Variants in KAZN observed in about 807,000 individuals in gnomAD.
KAZN encodes the protein kazrin, periplakin interacting protein, also known as kazrin.
A neutral mutation model predicts 87.4 loss-of-function variants in KAZN; 40 were observed. That is an observed-to-expected ratio of 0.46 (90% CI 0.36 to 0.60). The LOEUF is 0.60. Among genes scored for constraint, KAZN ranks in the 20% least tolerant of loss-of-function variants. The pLI is 0.00. For synonymous variants in KAZN, 466 were observed against 458.3 expected (o/e 1.02, Z -0.22); for missense variants, 898 against 1,073.9 (o/e 0.84, Z 2.29).
intron 3 of KAZN, among the ~76,000 whole-genome samples, chr1:15,036,707 C>T (rs1362769802): frequency 1.3e-5 from 2 of 152,130 alleles, no homozygotes; most frequent in African/African-American, 4.8e-5. Flanking sequence ...GACCTCCATG[C>T]AGAGGGAGGG....
intron 1 of KAZN, among the ~76,000 whole-genome samples, chr1:14,178,665 G>T (rs980441092): frequency 6.6e-6 from 1 of 152,056 alleles, no homozygotes; most frequent in African/African-American, 2.4e-5. Context: ...TTATTTCTGG[G>T]TTTGTTTCTG....
intron 1 of KAZN, among the ~76,000 whole-genome samples, chr1:14,179,934 G>C (rs1235206875): frequency 6.6e-6 from 1 of 152,172 alleles, no homozygotes; most frequent in Non-Finnish European, 1.5e-5. Context: ...CCCACATGTG[G>C]CACTGATTGG....
rs1658800915 is a variant in KAZN, at chr1:14,923,644, C to A, written c.227-37040C>A. 6.6e-6 allele frequency among the ~76,000 whole-genome samples: 1 copy of A among 152,210 alleles called. No homozygotes were observed. The highest frequency in any genetic ancestry group is 6.5e-5 in the Admixed American group (1 of 15,284). On this transcript the variant is annotated intron_variant, in intron 1 of 14. Transcript: ENST00000376030. This position sits in a 1 kb window ranked among gnomAD's most constrained non-coding sequence, Gnocchi z 4.2. Reference sequence around the variant, plus strand: ...AGATCTCAGCCCCCTCGCGATCTCCCCCACCAGACGGTGGGTGCACTCAGC... The same window carrying A: ...AGATCTCAGCCCCCTCGCGATCTCCACCACCAGACGGTGGGTGCACTCAGC...
intron 1 of KAZN, among the ~76,000 whole-genome samples, chr1:14,162,961 G>A (rs1645742969): frequency 6.6e-6 from 1 of 151,892 alleles, no homozygotes; most frequent in African/African-American, 2.4e-5. Flanking sequence ...TCTAAAACCA[G>A]TAAATCTTGG....
At chr1:15,068,817 G>A (rs369337369) in intron 8 of KAZN, among the ~76,000 whole-genome samples, 21 of 152,034 alleles carry the variant, frequency 1.4e-4, no homozygotes, top group Middle Eastern at 3.4e-3. Context: ...AATTTTCCCC[G>A]GCAATAAGAC....
chr1:14,440,912 G>A (rs1666662355), intron 2 of KAZN, among the ~76,000 whole-genome samples: 1 of 152,186 alleles, frequency 6.6e-6, no homozygotes, highest in Non-Finnish European at 1.5e-5. Flanking sequence ...CAGGTTCTGA[G>A]GGCTGGCAGC....
chr1:14,113,841 G>C (rs1189151734), intron 1 of KAZN, among the ~76,000 whole-genome samples: 1 of 152,228 alleles, frequency 6.6e-6, no homozygotes, highest in Admixed American at 6.5e-5. Context: ...GCTTTGCATG[G>C]TGGAAACTCT....
At chr1:14,060,293 G>C (rs1455740935) in intron 1 of KAZN, among the ~76,000 whole-genome samples, 1 of 151,462 alleles carries the variant, frequency 6.6e-6, no homozygotes, top group Non-Finnish European at 1.5e-5. Flanking sequence ...AAACCGGGAG[G>C]CGGAGCTTAC....
intron 2 of KAZN, among the ~76,000 whole-genome samples, chr1:14,443,365 C>T (rs1278570232): frequency 6.6e-6 from 1 of 152,172 alleles, no homozygotes; most frequent in African/African-American, 2.4e-5. Flanking sequence ...AGCAGTCTAC[C>T]TCTGTGGGCC....
intron 1 of KAZN, among the ~76,000 whole-genome samples, chr1:13,921,323 C>T (rs1244404799): frequency 5.3e-5 from 8 of 152,166 alleles, no homozygotes; most frequent in Non-Finnish European, 1.0e-4. Flanking sequence ...TAAATATTTC[C>T]GGCTTTGCAG....
At chr1:14,646,212 G>A (rs985352902) in intron 1 of KAZN, among the ~76,000 whole-genome samples, 1 of 152,076 alleles carries the variant, frequency 6.6e-6, no homozygotes, top group African/African-American at 2.4e-5. Context: ...TAAATTCATG[G>A]ATTTATACAT....
At chr1:14,546,847 T>C (rs548169189) in intron 2 of KAZN, among the ~76,000 whole-genome samples, 3 of 152,176 alleles carry the variant, frequency 2.0e-5, no homozygotes, top group African/African-American at 7.2e-5. Flanking sequence ...TGCTGTAACA[T>C]CCCAGTCCTT....
At chr1:14,714,604 G>C (rs1461893760) in intron 1 of KAZN, among the ~76,000 whole-genome samples, 1 of 151,964 alleles carries the variant, frequency 6.6e-6, no homozygotes, top group East Asian at 1.9e-4. Context: ...GTCCTCTTGT[G>C]AGCTGCTCCT....
At chr1:14,868,267 G>T (rs1162627622) in intron 1 of KAZN, among the ~76,000 whole-genome samples, 3 of 152,260 alleles carry the variant, frequency 2.0e-5, no homozygotes, top group African/African-American at 7.2e-5. Flanking sequence ...AGCCAGGGCT[G>T]CGTCTGAGGC....
At chr1:14,197,045 C>T (rs1646540158) in intron 2 of KAZN, among the ~76,000 whole-genome samples, 1 of 151,866 alleles carries the variant, frequency 6.6e-6, no homozygotes, top group African/African-American at 2.4e-5. Context: ...GACATTGGTC[C>T]CTGTGATAAG....
intron 13 of KAZN, 128 bp from the exon 14 acceptor site, chr1:15,112,299 C>T (rs575397103): frequency 1.5e-5 from 10 of 672,350 alleles, no homozygotes; most frequent in Non-Finnish European, 2.5e-5. Context: ...GGTAATCAGT[C>T]GGTCTCAGCA....
At chr1:14,802,127 C>T (rs553051358) in intron 1 of KAZN, among the ~76,000 whole-genome samples, 3 of 151,052 alleles carry the variant, frequency 2.0e-5, no homozygotes, top group Admixed American at 6.6e-5. Flanking sequence ...GGACAATGGC[C>T]GGGCATGGTG....
chr1:14,442,919 A>G (rs1289619812), intron 2 of KAZN, among the ~76,000 whole-genome samples: 1 of 152,138 alleles, frequency 6.6e-6, no homozygotes, highest in Non-Finnish European at 1.5e-5. Context: ...CATTTATAGG[A>G]TCACCCTTCT....
At chr1:14,249,027 C>A (rs1285206473) in intron 2 of KAZN, among the ~76,000 whole-genome samples, 4 of 152,120 alleles carry the variant, frequency 2.6e-5, no homozygotes, top group African/African-American at 9.7e-5. Flanking sequence ...GCTCAGGCAC[C>A]AGATATATGA....
Sources: allele counts gnomAD v4.1 joint callset (sites outside exome capture counted in the v4.1 genomes callset), GRCh38; gene constraint gnomAD v4.1.1; non-coding constraint Gnocchi (gnomAD v3.1); transcripts MANE v1.5; gene names NCBI Gene and HGNC (gene_info 2026-07-23, HGNC 2026-07-21).